CLASP2: variants seen among roughly 807,000 people sequenced by gnomAD.
CLASP2 encodes the protein CLIP-associating protein 2.
CLASP2 carries 47 observed loss-of-function variants against 194.4 expected under a neutral mutation model. The ratio of observed to expected loss-of-function variants is 0.24; its 90% CI spans 0.19 to 0.31. The LOEUF is 0.31. CLASP2 is among the 10% of genes least tolerant of loss of function. The pLI is 1.00. For missense variants in CLASP2, 1,445 were observed against 1,823.6 expected, an observed-to-expected ratio of 0.79 and a Z score of 3.78; for synonymous variants, 619 against 633.5, an observed-to-expected ratio of 0.98 and a Z score of 0.34.
chr3:33,500,929 G>C (rs1229633254), intron 38 of CLASP2, among the ~76,000 whole-genome samples: 1 of 152,002 alleles, frequency 6.6e-6, no homozygotes, highest in African/African-American at 2.4e-5. Flanking sequence ...TATTATTAGA[G>C]ACACGGTCTT....
intron 1 of CLASP2, among the ~76,000 whole-genome samples, chr3:33,707,592 C>A (rs2092750956): frequency 1.3e-5 from 2 of 152,120 alleles, no homozygotes; most frequent in African/African-American, 2.4e-5. Flanking sequence ...AAAAAAGAGA[C>A]CTAGAGCTTG....
At chr3:33,510,356 A>C (rs2049393001) in intron 37 of CLASP2, among the ~76,000 whole-genome samples, 1 of 152,192 alleles carries the variant, frequency 6.6e-6, no homozygotes, top group African/African-American at 2.4e-5. Context: ...GTACAATTAA[A>C]AATCGTTAAT....
rs2045783773 is a variant in CLASP2 at position 33,496,405 on chromosome 3, G to C, written c.*2226C>G. 1 of 152,070 alleles carries C rather than the reference G, an allele frequency of 6.6e-6. No individual in the cohort carries two copies. Among genetic ancestry groups the C allele is most frequent in the African/African-American group, 2.4e-5 (1 of 41,414 alleles). The allele number at this position is 152,070 out of a possible 1,614,324, so 9.4% of individuals were successfully genotyped here. ...TAGCTGACATCTCAGTATGTTTCTG[G>C]AATGAACAAATTAAGGGTGTATTGT... On this transcript the variant is annotated 3_prime_UTR_variant, in exon 39 of 39. Transcript: ENST00000682230.
In CLASP2 at chr3:33,571,015, A is replaced by ATTTTTTT. The variant is rs1027731514; in HGVS notation, c.2700-232_2700-226dup. On this transcript the variant is annotated intron_variant, in intron 25 of 38. Coordinates refer to ENST00000682230, the MANE Select transcript of CLASP2 (RefSeq NM_001365631.1). ...AGATGGCAAGATCCTGTCTCTATAAATTTTTTTTTTTTTTTTTTGAGACGG... is the reference window on the plus strand; with the variant it reads ...AGATGGCAAGATCCTGTCTCTATAAATTTTTTTTTTTTTTTTTTTTTTTTTGAGACGG... 2.3e-4 allele frequency among the ~76,000 whole-genome samples: 29 copies of ATTTTTTT among 123,926 alleles called. 3 individuals are homozygous for ATTTTTTT. Among genetic ancestry groups the ATTTTTTT allele is most frequent in the East Asian group, 2.3e-3 (9 of 3,910 alleles). 81.3% of individuals were successfully genotyped at this position (123,926 alleles called of 152,430 possible).
At chr3:33,686,672 T>C (rs1342405755) in intron 5 of CLASP2, among the ~76,000 whole-genome samples, 1 of 152,170 alleles carries the variant, frequency 6.6e-6, no homozygotes, top group Non-Finnish European at 1.5e-5. Context: ...TCCTCTCTGT[T>C]AAGTAGGGTT....
chr3:33,550,332 T>C (rs1576302234), intron 30 of CLASP2, among the ~76,000 whole-genome samples: 1 of 145,664 alleles, frequency 6.9e-6, no homozygotes, highest in South Asian at 2.2e-4. Context: ...AAGGTGGAGG[T>C]TGCAGTGAGC....
At chr3:33,696,742 A>G (rs1471042393) in intron 2 of CLASP2, 113 bp downstream of exon 2, 1 of 804,750 alleles carries the variant, frequency 1.2e-6, no homozygotes. Context: ...CTGGGATTAC[A>G]GAAATTACAT....
chr3:33,548,754 GTTTCA>G (rs1321374361), intron 30 of CLASP2, among the ~76,000 whole-genome samples: 1 of 140,840 alleles, frequency 7.1e-6, no homozygotes, highest in South Asian at 2.2e-4. Flanking sequence ...AACGACTACG[GTTTCA>G]TTTCTTTTTT....
intron 8 of CLASP2, among the ~76,000 whole-genome samples, chr3:33,641,208 G>A (rs2081215385): frequency 6.6e-6 from 1 of 151,666 alleles, no homozygotes; most frequent in African/African-American, 2.4e-5. Flanking sequence ...TTAAAGAATT[G>A]TATTAAAAAT....
At chr3:33,641,476 A>G (rs992227556) in intron 8 of CLASP2, among the ~76,000 whole-genome samples, 1 of 152,000 alleles carries the variant, frequency 6.6e-6, no homozygotes, top group African/African-American at 2.4e-5. Context: ...GTATGAACCT[A>G]GCCATAGCCT....
chr3:33,506,254 G>A (rs1044652533), intron 37 of CLASP2, among the ~76,000 whole-genome samples: 16 of 151,288 alleles, frequency 1.1e-4, no homozygotes, highest in Admixed American at 7.2e-4. Context: ...GGCACCTGTC[G>A]TCCCAGCCAG....
intron 12 of CLASP2, 129 bp from the exon 13 acceptor site, chr3:33,612,200 A>G (rs2075312231): frequency 1.6e-6 from 1 of 627,878 alleles, no homozygotes; most frequent in African/African-American, 1.8e-5. Flanking sequence ...TAGATTTGAA[A>G]GAAATTAAGA....
Position 33,682,397 on chromosome 3 carries a change from G to C in CLASP2, c.644+1962C>G, listed in dbSNP as rs1235317526. ...TACAGCACAAGGGTAAGTAGTCTAG[G>C]GTGTAACACAAAAAACTGGATACAC... On this transcript the variant is annotated intron_variant, in intron 6 of 38. Coordinates refer to ENST00000682230, the MANE Select transcript of CLASP2 (RefSeq NM_001365631.1). 4.6e-5 allele frequency among the ~76,000 whole-genome samples: 7 copies of C among 152,054 alleles called. No individual in the cohort carries two copies. In the East Asian group the frequency reaches 1.4e-3, roughly 29 times the overall value.
chr3:33,619,313 C>T (rs2076734537), intron 12 of CLASP2, among the ~76,000 whole-genome samples: 1 of 152,120 alleles, frequency 6.6e-6, no homozygotes, highest in African/African-American at 2.4e-5. Flanking sequence ...TGATTATACA[C>T]ACACGTAACT....
chr3:33,684,216 G>T, intron 6 of CLASP2, 143 bp downstream of exon 6: 1 of 436,566 alleles, frequency 2.3e-6, no homozygotes, highest in Non-Finnish European at 3.9e-6. Flanking sequence ...TTGCACTCCA[G>T]CCTGGGCAAC....
At chr3:33,685,308 C>A (rs1232429003) in intron 5 of CLASP2, among the ~76,000 whole-genome samples, 1 of 131,080 alleles carries the variant, frequency 7.6e-6, no homozygotes, top group Non-Finnish European at 1.5e-5. Flanking sequence ...CGCCATTGCT[C>A]TCCAGCTTGG....
chr3:33,512,557 TAAAAAA>T (rs71070140), intron 36 of CLASP2, among the ~76,000 whole-genome samples: 2 of 12,486 alleles, frequency 1.6e-4, no homozygotes, highest in African/African-American at 3.7e-4. Context: ...TAGAGTATAA[TAAAAAA>T]AAAAAAAAAA....
chr3:33,618,943 T>C (rs890832478), intron 12 of CLASP2, among the ~76,000 whole-genome samples: 6 of 152,192 alleles, frequency 3.9e-5, no homozygotes, highest in Non-Finnish European at 7.3e-5. Context: ...GATTTCATCA[T>C]AGTATGAACA....
intron 9 of CLASP2, among the ~76,000 whole-genome samples, chr3:33,631,636 G>T (rs1317229182): frequency 6.6e-6 from 1 of 151,492 alleles, no homozygotes; most frequent in Non-Finnish European, 1.5e-5. Flanking sequence ...GGCAGAAGTT[G>T]CAGGGAGCCA....
Sources: gnomAD v4.1 joint callset for allele counts (sites outside exome capture counted in the v4.1 genomes callset) on GRCh38, gnomAD v4.1.1 for gene constraint, MANE v1.5 for transcripts, NCBI Gene and HGNC (gene_info 2026-07-23, HGNC 2026-07-21) for gene names.